Variants in GPR137B observed in about 807,000 individuals in gnomAD.
GPR137B encodes integral membrane protein GPR137B.
GPR137B carries 42 observed loss-of-function variants against 42.5 expected under a neutral mutation model. That is an observed-to-expected ratio of 0.99 (90% CI 0.77 to 1.28). The LOEUF (loss-of-function observed/expected upper bound fraction) is 1.28. Ranked by LOEUF, GPR137B falls within the 50% of genes most tolerant of loss-of-function variation. The probability of loss-of-function intolerance (pLI) is 0.00; values close to 1 mark genes in which losing one functional copy is unlikely to be tolerated. For missense variants in GPR137B, 487 were observed against 493.9 expected, an observed-to-expected ratio of 0.99 and a Z score of 0.13; for synonymous variants, 218 against 209.7, an observed-to-expected ratio of 1.04 and a Z score of -0.34.
intron 5 of GPR137B, among the ~76,000 whole-genome samples, chr1:236,194,851 G>A (rs1272964323): frequency 6.6e-6 from 1 of 152,108 alleles, no homozygotes; most frequent in African/African-American, 2.4e-5. Context: ...GGCAGGAGAT[G>A]GAAATGGGAT....
At chr1:236,207,373 T>C (rs1403642471) in intron 6 of GPR137B, 1 of 606,324 alleles carries the variant, frequency 1.6e-6, no homozygotes. Context: ...ACCTCTTCCT[T>C]AAAACTGTTC....
intron 5 of GPR137B, among the ~76,000 whole-genome samples, chr1:236,201,136 T>C (rs952290493): frequency 3.3e-5 from 5 of 152,048 alleles, no homozygotes; most frequent in African/African-American, 1.2e-4. Flanking sequence ...ATTATTTTGT[T>C]TGAAGAGGCT....
At chr1:236,188,436 C>G (rs1168844677) in intron 5 of GPR137B, among the ~76,000 whole-genome samples, 1 of 152,176 alleles carries the variant, frequency 6.6e-6, no homozygotes, top group Non-Finnish European at 1.5e-5. Context: ...TTTACCCATT[C>G]AGTATGGTAT....
intron 4 of GPR137B, among the ~76,000 whole-genome samples, chr1:236,180,587 T>C (rs1662841856): frequency 6.6e-6 from 1 of 152,200 alleles, no homozygotes; most frequent in African/African-American, 2.4e-5. Flanking sequence ...ACACACATAC[T>C]TTGCACTCCA....
chr1:236,184,282 A>G (rs577024639), intron 5 of GPR137B, among the ~76,000 whole-genome samples: 1 of 152,332 alleles, frequency 6.6e-6, no homozygotes, highest in East Asian at 1.9e-4. Flanking sequence ...GAAATAGGAA[A>G]TAGAGAACAC....
At chr1:236,166,299 G>A (rs1254552026) in intron 1 of GPR137B, among the ~76,000 whole-genome samples, 4 of 151,588 alleles carry the variant, frequency 2.6e-5, no homozygotes, top group Admixed American at 6.6e-5. Flanking sequence ...GTTTGGTAAC[G>A]TTTCTTTTTA....
chr1:236,147,782 C>T (rs1661722838), intron 1 of GPR137B, among the ~76,000 whole-genome samples: 1 of 152,216 alleles, frequency 6.6e-6, no homozygotes, highest in Admixed American at 6.5e-5. Context: ...ATGTGTCTTT[C>T]TCCTTTCTGA....
intron 1 of GPR137B, among the ~76,000 whole-genome samples, chr1:236,158,618 A>G (rs1355271810): frequency 6.6e-6 from 1 of 152,240 alleles, no homozygotes; most frequent in Non-Finnish European, 1.5e-5. Flanking sequence ...AGCGTGTGTG[A>G]TAGAGACTGG....
intron 5 of GPR137B, among the ~76,000 whole-genome samples, chr1:236,191,333 G>C (rs10802389): frequency 0.54 from 81,521 of 152,000 alleles, 24,440 homozygotes; most frequent in East Asian, 0.84. Flanking sequence ...CTTCTGAAGC[G>C]TACTTCTGTC....
At chr1:236,177,617 C>T (rs1021102155) in intron 2 of GPR137B, among the ~76,000 whole-genome samples, 21 of 151,880 alleles carry the variant, frequency 1.4e-4, no homozygotes, top group African/African-American at 4.8e-4. Flanking sequence ...AGTGCAGTGG[C>T]GCGATCTCGG....
In GPR137B at chr1:236,155,597, C is replaced by T. The variant is rs1425504726; in HGVS notation, c.414+12561C>T. Among the ~76,000 whole-genome samples the T allele has an allele frequency of 6.6e-6, 1 of 152,060 alleles. No homozygotes were observed. The highest frequency in any genetic ancestry group is 1.5e-5 in the Non-Finnish European group (1 of 68,026). ...CTGGGCTGACTTATCAATGTGGGGG[C>T]TCAGGGCCACCCTGAGTTCTGCCTT... On this transcript the variant is annotated intron_variant, in intron 1 of 6. Transcript: ENST00000366592. This position sits in a 1 kb window ranked among gnomAD's most constrained non-coding sequence, Gnocchi z 4.6.
At chr1:236,192,539 G>C (rs187637965) in intron 5 of GPR137B, among the ~76,000 whole-genome samples, 1 of 152,090 alleles carries the variant, frequency 6.6e-6, no homozygotes, top group South Asian at 2.1e-4. Flanking sequence ...TATCTGGGCC[G>C]GAGTGCACAG....
chr1:236,185,046 C>T (rs1170102736), intron 5 of GPR137B, among the ~76,000 whole-genome samples: 1 of 152,186 alleles, frequency 6.6e-6, no homozygotes, highest in African/African-American at 2.4e-5. Context: ...GGATTACAGG[C>T]GTGGGCCACC....
chr1:236,154,976 G>A (rs1661977373), intron 1 of GPR137B, among the ~76,000 whole-genome samples: 1 of 152,216 alleles, frequency 6.6e-6, no homozygotes, highest in African/African-American at 2.4e-5. Context: ...ACTGTGAACT[G>A]CAATTTGTGG....
At chr1:236,157,959 G>A (rs775066558) in intron 1 of GPR137B, among the ~76,000 whole-genome samples, 2 of 152,148 alleles carry the variant, frequency 1.3e-5, no homozygotes, top group African/African-American at 4.8e-5. Context: ...CATATAAAGT[G>A]CAAAACCATA....
chr1:236,203,544 A>G (rs560858811), intron 5 of GPR137B, among the ~76,000 whole-genome samples: 1 of 152,080 alleles, frequency 6.6e-6, no homozygotes, highest in South Asian at 2.1e-4. Flanking sequence ...TGTTTTTTCT[A>G]TTTCTGTGAA....
At chr1:236,201,392 T>C (rs1663487836) in intron 5 of GPR137B, among the ~76,000 whole-genome samples, 1 of 119,906 alleles carries the variant, frequency 8.3e-6, no homozygotes, top group African/African-American at 4.3e-5. Context: ...TTTAGATTTC[T>C]CTTCATCTTC....
At position 236,178,459 on chromosome 1, in the gene GPR137B, G is replaced by C; in HGVS notation, c.510G>C (p.Leu170=). 1 of 1,613,930 alleles carries C rather than the reference G, an allele frequency of 6.2e-7. No homozygotes were observed. Among genetic ancestry groups the C allele is most frequent in the Non-Finnish European group, 8.5e-7 (1 of 1,179,998 alleles). ...CCCTCTTCATCAGCCTTGTTTTCCT[G>C]TTGGTGAATTTAACCTGTGCTGTGC... ...LASLFISLVF[L]LVNLTCAVLV... The change falls in exon 3 of 7, where the codon CTG becomes CTC. Residue 170 remains leucine (L), a synonymous_variant. Transcript: ENST00000366592.
intron 1 of GPR137B, among the ~76,000 whole-genome samples, chr1:236,149,047 T>G (rs1324210029): frequency 1.3e-5 from 2 of 152,214 alleles, no homozygotes; most frequent in African/African-American, 2.4e-5. Context: ...TTAGTTGAGA[T>G]TCTCACTGTG....
Sources: allele counts gnomAD v4.1 joint callset (sites outside exome capture counted in the v4.1 genomes callset), GRCh38; gene constraint gnomAD v4.1.1; non-coding constraint Gnocchi (gnomAD v3.1); transcripts MANE v1.5; gene names NCBI Gene and HGNC (gene_info 2026-07-23, HGNC 2026-07-21).